The following ZNF407 variants were observed in gnomAD, a reference collection of about 807,000 sequenced individuals.
ZNF407 encodes zinc finger protein 407.
ZNF407 carries 17 observed loss-of-function variants against 131.2 expected under a neutral mutation model. The observed-to-expected ratio is 0.13, with a 90% CI of 0.09 to 0.19. The LOEUF (loss-of-function observed/expected upper bound fraction) is 0.19. ZNF407 is among the 10% of genes least tolerant of loss of function. The probability of loss-of-function intolerance (pLI) is 1.00; values close to 1 mark genes in which losing one functional copy is unlikely to be tolerated. For synonymous variants in ZNF407, 1,156 were observed against 1,062.0 expected, an observed-to-expected ratio of 1.09 and a Z score of -1.72; for missense variants, 2,681 against 2,830.6, an observed-to-expected ratio of 0.95 and a Z score of 1.20.
intron 6 of ZNF407, among the ~76,000 whole-genome samples, chr18:74,885,015 C>T (rs1971288635): frequency 6.6e-6 from 1 of 152,076 alleles, no homozygotes; most frequent in Non-Finnish European, 1.5e-5. Flanking sequence ...TTTGTAAACA[C>T]TTAGATTGAA....
chr18:74,632,513 G>A lies in ZNF407; in HGVS notation c.1494G>A (p.Glu498=), dbSNP rs1984166173. The change falls in exon 2 of 9, where the codon GAG becomes GAA. Residue 498 remains glutamate (E), a synonymous_variant. Coordinates refer to ENST00000299687, the MANE Select transcript of ZNF407 (RefSeq NM_017757.3). ...GTGTGACTACCTCAGAAACCCAGGAGGCAGAGCAGGGCCAGGGGAGTGCCC... is the reference window on the plus strand; with the variant it reads ...GTGTGACTACCTCAGAAACCCAGGAAGCAGAGCAGGGCCAGGGGAGTGCCC... ...RVCVTTSETQ[E]AEQGQGSARP... is the part of the protein sequence containing the mutation. 1.2e-6 allele frequency: 2 copies of A among 1,613,900 alleles called. No individual in the cohort carries two copies. Among genetic ancestry groups the A allele is most frequent in the African/African-American group, 1.3e-5 (1 of 74,952 alleles).
intron 8 of ZNF407, among the ~76,000 whole-genome samples, chr18:75,004,199 G>A (rs1173201427): frequency 3.9e-5 from 6 of 152,176 alleles, no homozygotes; most frequent in Non-Finnish European, 4.4e-5. Context: ...TAGCACCGGT[G>A]TTAAGTGGCA....
At chr18:74,793,280 A>G (rs976336148) in intron 4 of ZNF407, among the ~76,000 whole-genome samples, 1 of 152,364 alleles carries the variant, frequency 6.6e-6, no homozygotes, top group South Asian at 2.1e-4. Flanking sequence ...TTAGCTAGAA[A>G]TACAAGTTTG....
intron 5 of ZNF407, among the ~76,000 whole-genome samples, chr18:74,879,380 C>T (rs544004436): frequency 9.2e-5 from 14 of 152,240 alleles, no homozygotes; most frequent in African/African-American, 3.1e-4. Flanking sequence ...ACACACACTC[C>T]TCACACGCAC....
chr18:74,750,297 C>T (rs1968770283), intron 3 of ZNF407, among the ~76,000 whole-genome samples: 2 of 152,096 alleles, frequency 1.3e-5, no homozygotes, highest in South Asian at 2.1e-4. Context: ...TTGCTTTTGT[C>T]GCTCATTTTA....
At chr18:74,756,276 T>C (rs1968961535) in intron 3 of ZNF407, among the ~76,000 whole-genome samples, 1 of 152,180 alleles carries the variant, frequency 6.6e-6, no homozygotes, top group South Asian at 2.1e-4. Flanking sequence ...CCTTATTCTT[T>C]TTCAAGATTG....
chr18:74,833,549 G>A (rs1388553570), intron 4 of ZNF407, among the ~76,000 whole-genome samples: 1 of 152,152 alleles, frequency 6.6e-6, no homozygotes, highest in Non-Finnish European at 1.5e-5. Context: ...ACTTGAGCCT[G>A]TGGAGTTCCA....
chr18:74,657,884 T>C (rs1599046670), intron 3 of ZNF407, among the ~76,000 whole-genome samples: 1 of 148,502 alleles, frequency 6.7e-6, no homozygotes, highest in African/African-American at 2.5e-5. Context: ...CCTCTTGCTC[T>C]CTACTTCTCC....
intron 8 of ZNF407, among the ~76,000 whole-genome samples, chr18:74,963,689 CT>C (rs1972375851): frequency 6.6e-6 from 1 of 152,160 alleles, no homozygotes; most frequent in African/African-American, 2.4e-5. Flanking sequence ...TTACATTCAG[CT>C]TTTTAAACAA....
At chr18:74,957,722 G>A (rs1972292786) in intron 8 of ZNF407, among the ~76,000 whole-genome samples, 1 of 152,100 alleles carries the variant, frequency 6.6e-6, no homozygotes, top group Admixed American at 6.5e-5. Context: ...TTTACAGACT[G>A]GGCGGGGATT....
chr18:75,051,094 G>T (rs112548610), intron 8 of ZNF407, among the ~76,000 whole-genome samples: 1 of 152,110 alleles, frequency 6.6e-6, no homozygotes, highest in African/African-American at 2.4e-5. Flanking sequence ...ATGAGCACAC[G>T]TATGGATAAT....
intron 3 of ZNF407, among the ~76,000 whole-genome samples, chr18:74,705,898 C>T (rs1967613486): frequency 6.6e-6 from 1 of 152,138 alleles, no homozygotes; most frequent in Non-Finnish European, 1.5e-5. Flanking sequence ...TACATTGTAT[C>T]CTAGTACTCT....
chr18:75,050,884 A>G (rs896391643), intron 8 of ZNF407, among the ~76,000 whole-genome samples: 1 of 152,232 alleles, frequency 6.6e-6, no homozygotes, highest in Non-Finnish European at 1.5e-5. Context: ...CTGAGGAATC[A>G]AACCCAAGCA....
intron 4 of ZNF407, among the ~76,000 whole-genome samples, chr18:74,830,043 A>G (rs1004415280): frequency 6.6e-6 from 1 of 152,172 alleles, no homozygotes; most frequent in Non-Finnish European, 1.5e-5. Context: ...AAGAGACCAT[A>G]GGGAATGAGA....
At position 74,720,916 on chromosome 18, in the gene ZNF407, G is replaced by A. The variant is rs114006020; in HGVS notation, c.4803-60512G>A. Among the ~76,000 whole-genome samples the A allele has an allele frequency of 7.3e-3, 947 of 130,532 alleles. 7 individuals are homozygous for A. The highest frequency in any genetic ancestry group is 0.025 in the African/African-American group (884 of 35,038). 85.6% of individuals were successfully genotyped at this position (130,532 alleles called of 152,430 possible). A position where few individuals can be genotyped will look rare whatever the true frequency, so the allele number is the denominator to read the frequency against. ...AGTATATTTTGAAGTCTGGTAGTGC[G>A]ATACCTTCAGCTTTTTTTTTTTTCT... On this transcript the variant is annotated intron_variant, in intron 3 of 8. Transcript: ENST00000299687.
chr18:74,600,683 G>A (rs774523996), intron 1 of ZNF407, among the ~76,000 whole-genome samples: 5 of 152,144 alleles, frequency 3.3e-5, no homozygotes, highest in Non-Finnish European at 5.9e-5. Context: ...GAACTCACTG[G>A]GCAAAGAGAT....
intron 4 of ZNF407, among the ~76,000 whole-genome samples, chr18:74,843,503 G>A (rs1029851000): frequency 6.6e-6 from 1 of 152,124 alleles, no homozygotes; most frequent in East Asian, 1.9e-4. Flanking sequence ...TAAAAATGAT[G>A]ATTAAAAGTG....
chr18:74,837,980 A>G (rs1261181252), intron 4 of ZNF407, among the ~76,000 whole-genome samples: 2 of 152,196 alleles, frequency 1.3e-5, no homozygotes, highest in African/African-American at 4.8e-5. Context: ...AAAATACACA[A>G]AACTAGTCCA....
intron 8 of ZNF407, among the ~76,000 whole-genome samples, chr18:74,981,251 C>A (rs118112819): frequency 6.6e-6 from 1 of 152,184 alleles, no homozygotes; most frequent in Non-Finnish European, 1.5e-5. Context: ...CAGGGTGAGG[C>A]GGGGCACGGG....
Sources: gnomAD v4.1 joint callset for allele counts (sites outside exome capture counted in the v4.1 genomes callset) on GRCh38, gnomAD v4.1.1 for gene constraint, MANE v1.5 for transcripts, NCBI Gene and HGNC (gene_info 2026-07-23, HGNC 2026-07-21) for gene names.